The following PATL1 variants were observed in gnomAD, a reference collection of about 807,000 sequenced individuals.
The protein encoded by PATL1 is protein PAT1 homolog 1.
A neutral mutation model predicts 100.6 loss-of-function variants in PATL1; 32 were observed. The ratio of observed to expected loss-of-function variants is 0.32; its 90% CI spans 0.24 to 0.43. PATL1 has a LOEUF of 0.43. Among genes scored for constraint, PATL1 ranks in the 20% least tolerant of loss-of-function variants. The probability of loss-of-function intolerance (pLI) is 1.00; values close to 1 mark genes in which losing one functional copy is unlikely to be tolerated. For missense variants in PATL1, 747 were observed against 949.9 expected, an observed-to-expected ratio of 0.79 and a Z score of 2.81; for synonymous variants, 332 against 330.0, an observed-to-expected ratio of 1.01 and a Z score of -0.07.
chr11:59,639,066 A>C lies in PATL1; in HGVS notation c.2273T>G (p.Leu758Trp). The change falls in exon 18 of 19, where the codon TTG becomes TGG. Residue 758 changes from leucine (L) to tryptophan (W), a missense_variant. Around this residue, in one of 4 missense-constraint regions of PATL1, gnomAD observed 434 missense variants for 596.1 expected, o/e 0.73. Transcript: ENST00000300146. ...AACTTACTGCAGTTTTGTCTCCAGC[A>C]AGTTCAGTTTCTGCCGGTCAACATA... ...SRYVDRQKLN[L>W]LETKLQLVQG... 6.2e-7 allele frequency: 1 copy of C among 1,613,664 alleles called. No homozygotes were observed. The highest frequency in any genetic ancestry group is 8.5e-7 in the Non-Finnish European group (1 of 1,179,778).
intron 16 of PATL1, chr11:59,642,549 C>A: frequency 5.5e-6 from 1 of 182,094 alleles, no homozygotes; most frequent in Non-Finnish European, 1.1e-5. Flanking sequence ...TGATGTAAAG[C>A]TGAATCATGA....
intron 15 of PATL1, among the ~76,000 whole-genome samples, 166 bp from the exon 16 acceptor site, chr11:59,643,201 G>C (rs973917044): frequency 6.6e-6 from 1 of 151,994 alleles, no homozygotes; most frequent in Non-Finnish European, 1.5e-5. Context: ...TATCTACTGA[G>C]AACTTTTTCA....
At chr11:59,657,815 T>G in intron 4 of PATL1, 91 bp from the exon 5 acceptor site, 2 of 959,982 alleles carry the variant, frequency 2.1e-6, no homozygotes. Flanking sequence ...CTTAAGAAAT[T>G]TTTTTAACTT....
intron 16 of PATL1, among the ~76,000 whole-genome samples, chr11:59,641,788 A>T (rs1861284184): frequency 6.6e-6 from 1 of 152,188 alleles, no homozygotes; most frequent in South Asian, 2.1e-4. Context: ...ATTCTCAGAA[A>T]AAAAATACTA....
intron 2 of PATL1, among the ~76,000 whole-genome samples, chr11:59,663,329 G>A (rs943106816): frequency 6.6e-6 from 1 of 152,070 alleles, no homozygotes; most frequent in Non-Finnish European, 1.5e-5. Context: ...AAAATAAAAA[G>A]GAAGAAGTGA....
intron 9 of PATL1, 80 bp downstream of exon 9, chr11:59,653,903 A>G (rs1391078202): frequency 7.7e-6 from 10 of 1,296,290 alleles, no homozygotes; most frequent in Non-Finnish European, 1.1e-5. Flanking sequence ...AAAAAACAAA[A>G]CAACTAAATA....
At position 59,637,735 on chromosome 11, in the gene PATL1, A is replaced by G. The variant is rs1424891327; in HGVS notation, c.*655T>C. ...TCTGATTTTATTAAACGTGCTGCAT[A>G]CTCTTTATTTATGTTAAAACAAGTA... is the stretch of plus-strand genomic sequence containing the variant. On this transcript the variant is annotated 3_prime_UTR_variant, in exon 19 of 19. Coordinates refer to ENST00000300146, the MANE Select transcript of PATL1 (RefSeq NM_152716.3). 6.6e-6 allele frequency: 1 copy of G among 152,318 alleles called. No homozygotes were observed. The highest frequency in any genetic ancestry group is 1.5e-5 in the Non-Finnish European group (1 of 68,136). The allele number at this position is 152,318 out of a possible 1,614,324, so 9.4% of individuals were successfully genotyped here.
chr11:59,657,680 C>G lies in PATL1; in HGVS notation c.471G>C (p.Arg157Ser). The change falls in exon 5 of 19, where the codon AGG (arginine) becomes AGC (serine). Residue 157 changes from arginine (R) to serine (S), a missense_variant. Arg to Ser is a moderately radical substitution (Grantham distance 110). Around this residue, in one of 4 missense-constraint regions of PATL1, gnomAD observed 183 missense variants for 221.2 expected, o/e 0.83. Transcript: ENST00000300146. ...VSVLEYALPQ[R>S]PPQGPEDDRD... ...GATCATCTTCTGGACCCTGGGGGGG[C>G]CTCTGAGGCAAAGCATATTCTAATA... 1 of 1,613,414 alleles carries G rather than the reference C, an allele frequency of 6.2e-7. No individual in the cohort carries two copies.
At chr11:59,661,092 T>C (rs1423991196) in intron 2 of PATL1, among the ~76,000 whole-genome samples, 1 of 152,152 alleles carries the variant, frequency 6.6e-6, no homozygotes, top group African/African-American at 2.4e-5. Flanking sequence ...TCAGTATTTT[T>C]ATTTTTATTT....
Position 59,663,587 on chromosome 11 carries a change from A to G in PATL1, c.127+3266T>C, listed in dbSNP as rs553272209. Among the ~76,000 whole-genome samples, 6 of 152,314 alleles carry G rather than the reference A, an allele frequency of 3.9e-5. No homozygotes were observed. The South Asian group carries it at 6.2e-4, about 16-fold the overall frequency. On this transcript the variant is annotated intron_variant, in intron 2 of 18. Transcript: ENST00000300146. ...CAAGGCTGCTATGAGGATTAACAAT[A>G]TATGTAAAATATTTAGAATGGTGCC...
intron 2 of PATL1, among the ~76,000 whole-genome samples, chr11:59,663,623 T>C (rs924569530): frequency 5.3e-5 from 8 of 152,184 alleles, no homozygotes; most frequent in Admixed American, 2.6e-4. Context: ...TAGCACATAA[T>C]AAGCACCATG....
intron 1 of PATL1, among the ~76,000 whole-genome samples, chr11:59,668,347 C>T (rs917669687): frequency 1.3e-5 from 2 of 152,220 alleles, no homozygotes; most frequent in Non-Finnish European, 2.9e-5. Context: ...ACACGCCCCC[C>T]TCCCAACTCG....
intron 5 of PATL1, 99 bp from the exon 6 acceptor site, chr11:59,656,699 T>C (rs1861540826): frequency 4.9e-6 from 5 of 1,026,248 alleles, no homozygotes; most frequent in East Asian, 2.6e-5. Flanking sequence ...ACGAACTCAA[T>C]GCAAAGCCCT....
intron 2 of PATL1, among the ~76,000 whole-genome samples, chr11:59,663,917 T>A (rs978044570): frequency 2.0e-5 from 3 of 152,060 alleles, no homozygotes; most frequent in Non-Finnish European, 4.4e-5. Flanking sequence ...TGCAGAGGAG[T>A]ATCAAAGAAG....
At chr11:59,649,672 C>T in intron 13 of PATL1, 62 bp from the exon 14 acceptor site, 1 of 1,518,454 alleles carries the variant, frequency 6.6e-7, no homozygotes, top group South Asian at 1.2e-5. Flanking sequence ...ATTAGTTAAA[C>T]AATTTCACAG....
At position 59,655,602 on chromosome 11, in the gene PATL1, A is replaced by C. The variant is rs1404426304; in HGVS notation, c.952T>G (p.Phe318Val). The C allele has an allele frequency of 1.9e-6, 3 of 1,592,738 alleles. No homozygotes were observed. The highest frequency in any genetic ancestry group is 1.8e-5 in the Admixed American group (1 of 56,162). ...GTAGCGGAGGGTGGAGCACTAAAGA[A>C]GGCACGGAAGCCTGGTGCTGGGGGA... The part of the protein sequence containing the change: ...MLPPAPGFRA[F>V]FSAPPSATPP... The change falls in exon 8 of 19, where the codon TTC (phenylalanine) becomes GTC (valine). Residue 318 changes from phenylalanine (F) to valine (V), a missense_variant. By Grantham distance (50) the Phe-to-Val change is conservative. This residue lies in a region of PATL1 where 434 missense variants were observed against 596.1 expected (regional missense o/e 0.73). Coordinates refer to ENST00000300146, the MANE Select transcript of PATL1 (RefSeq NM_152716.3).
intron 10 of PATL1, 80 bp from the exon 11 acceptor site, chr11:59,652,667 G>T: frequency 6.4e-7 from 1 of 1,567,196 alleles, no homozygotes; most frequent in South Asian, 1.2e-5. Flanking sequence ...TTATGCCAGT[G>T]ACAGTAACAC....
chr11:59,639,529 T>G (rs1287005618), intron 16 of PATL1, 146 bp from the exon 17 acceptor site: 2 of 638,146 alleles, frequency 3.1e-6, no homozygotes, highest in Non-Finnish European at 5.4e-6. Flanking sequence ...CAGGTAAAGA[T>G]CAGACAAGCA....
intron 10 of PATL1, 81 bp from the exon 11 acceptor site, chr11:59,652,668 A>G (rs1406989150): frequency 6.4e-7 from 1 of 1,565,068 alleles, no homozygotes; most frequent in Admixed American, 1.8e-5. Flanking sequence ...TATGCCAGTG[A>G]CAGTAACACA....
Sources: allele counts gnomAD v4.1 joint callset (sites outside exome capture counted in the v4.1 genomes callset), GRCh38; gene constraint gnomAD v4.1.1; regional missense constraint gnomAD v4.1.1; transcripts MANE v1.5; gene names NCBI Gene and HGNC (gene_info 2026-07-23, HGNC 2026-07-21).